Variants in DACH2 observed in about 807,000 individuals in gnomAD.
DACH2 encodes the protein dachshund family transcription factor 2, also known as dachshund homolog 2.
In DACH2, 17 loss-of-function variants were observed where a neutral mutation model predicts 35.8. The ratio of observed to expected loss-of-function variants is 0.48; its 90% confidence interval spans 0.33 to 0.71. The LOEUF is 0.71. Among genes scored for constraint, DACH2 ranks in the 30% least tolerant of loss-of-function variants. The pLI, the probability that DACH2 is intolerant of heterozygous loss-of-function variation, is 0.02. For missense variants in DACH2, 469 were observed against 472.7 expected, an observed-to-expected ratio of 0.99 and a Z score of 0.07; for synonymous variants, 195 against 177.3, an observed-to-expected ratio of 1.10 and a Z score of -0.79.
At chrX:86,511,083 G>A (rs1454430269) in intron 2 of DACH2, among the ~76,000 whole-genome samples, 3 of 111,435 alleles carry the variant, frequency 2.7e-5, no homozygotes, top group Non-Finnish European at 5.7e-5. Flanking sequence ...TATTTGCCTT[G>A]ATTAATATGT....
At chrX:86,708,563 T>G (rs2041244910) in intron 5 of DACH2, among the ~76,000 whole-genome samples, 1 of 96,373 alleles carries the variant, frequency 1.0e-5, no homozygotes, top group East Asian at 3.2e-4. Context: ...CAAAAACTTA[T>G]AAGTGGGAAC....
In DACH2 at chrX:86,296,580, A is replaced by G. The variant is rs181931112; in HGVS notation, c.489-80244A>G. Reference sequence around the variant, plus strand: ...TTTTATAAATTTATATTAGAGGATAATCTTATTTTTTCATTATTAGACCCT... The same window carrying G: ...TTTTATAAATTTATATTAGAGGATAGTCTTATTTTTTCATTATTAGACCCT... On this transcript the variant is annotated intron_variant, in intron 1 of 11. Transcript: ENST00000373125. Among the ~76,000 whole-genome samples the G allele has an allele frequency of 9.3e-4, 103 of 110,698 alleles. 1 individual carries two copies. The East Asian group carries it at 0.025, about 27-fold the overall frequency.
Position 86,401,355 on chromosome X carries a change from G to A in DACH2, c.527+24493G>A, listed in dbSNP as rs192366737. ...GTGAGGTGATGCCTTGCCCTGCTTC[G>A]GCTTATGCACGGTGCACTGCACCCA... On this transcript the variant is annotated intron_variant, in intron 2 of 11. Coordinates refer to ENST00000373125, the MANE Select transcript of DACH2 (RefSeq NM_053281.3). Among the ~76,000 whole-genome samples the A allele has an allele frequency of 4.7e-4, 53 of 111,801 alleles. No individual in the cohort carries two copies. The East Asian group carries it at 7.9e-3, about 17-fold the overall frequency.
chrX:86,332,077 G>C (rs1160909653), intron 1 of DACH2, among the ~76,000 whole-genome samples: 1 of 111,240 alleles, frequency 9.0e-6, no homozygotes, highest in Admixed American at 9.6e-5. Flanking sequence ...TAGTGACTGA[G>C]GTTTCATTAC....
intron 7 of DACH2, among the ~76,000 whole-genome samples, chrX:86,794,158 C>G (rs2042213445): frequency 9.0e-6 from 1 of 110,680 alleles, no homozygotes; most frequent in South Asian, 3.8e-4. Context: ...ATGTTTACCA[C>G]CAGTTTTATG....
intron 3 of DACH2, among the ~76,000 whole-genome samples, chrX:86,546,148 A>T (rs1420986062): frequency 9.0e-6 from 1 of 111,633 alleles, no homozygotes; most frequent in Non-Finnish European, 1.9e-5. Context: ...TGGTCAATTA[A>T]TGTGGGAATA....
At chrX:86,595,663 G>A (rs2039701764) in intron 3 of DACH2, among the ~76,000 whole-genome samples, 4 of 109,383 alleles carry the variant, frequency 3.7e-5, no homozygotes, top group African/African-American at 9.9e-5. Flanking sequence ...TTTATTCATT[G>A]CCCTTTGTCT....
intron 1 of DACH2, among the ~76,000 whole-genome samples, chrX:86,336,045 T>C (rs772314955): frequency 8.9e-5 from 10 of 112,161 alleles, no homozygotes; most frequent in Non-Finnish European, 1.9e-4. Flanking sequence ...ATGTGATAGA[T>C]TACGTTTATT....
intron 5 of DACH2, among the ~76,000 whole-genome samples, chrX:86,702,241 A>G (rs1376960752): frequency 2.7e-5 from 3 of 111,083 alleles, no homozygotes; most frequent in Admixed American, 9.6e-5. Flanking sequence ...ATGGTGACAC[A>G]AGTTATTAAA....
At chrX:86,626,506 G>T (rs1602714498) in intron 3 of DACH2, among the ~76,000 whole-genome samples, 1 of 112,729 alleles carries the variant, frequency 8.9e-6, no homozygotes, top group Non-Finnish European at 1.9e-5. Context: ...TGCACTGGTG[G>T]GGACTCTGTG....
chrX:86,398,145 A>G (rs180794916), intron 2 of DACH2, among the ~76,000 whole-genome samples: 11 of 111,600 alleles, frequency 9.9e-5, no homozygotes, highest in Non-Finnish European at 3.8e-5. Context: ...GAATTTATCC[A>G]TTTCTCCTAG....
chrX:86,400,112 A>G (rs903183642), intron 2 of DACH2, among the ~76,000 whole-genome samples: 1 of 110,697 alleles, frequency 9.0e-6, no homozygotes, highest in Non-Finnish European at 1.9e-5. Context: ...ACTTCCCTTC[A>G]TGCTTCATTT....
At chrX:86,473,424 T>A (rs72633152) in intron 2 of DACH2, among the ~76,000 whole-genome samples, 1 of 110,763 alleles carries the variant, frequency 9.0e-6, no homozygotes, top group African/African-American at 3.3e-5. Flanking sequence ...TTACTGACTA[T>A]AGCCATTCTG....
chrX:86,185,484 G>A (rs1039632653), intron 1 of DACH2, among the ~76,000 whole-genome samples: 1 of 111,392 alleles, frequency 9.0e-6, no homozygotes, highest in East Asian at 2.8e-4. Flanking sequence ...GTTGAGGCAG[G>A]AGAAGAATAT....
intron 7 of DACH2, among the ~76,000 whole-genome samples, chrX:86,761,506 A>G (rs1382190666): frequency 9.0e-6 from 1 of 111,636 alleles, no homozygotes; most frequent in East Asian, 2.8e-4. Context: ...TCAAGGATCT[A>G]GAACCAGAGA....
intron 1 of DACH2, among the ~76,000 whole-genome samples, chrX:86,250,486 A>T (rs1248515580): frequency 9.0e-6 from 1 of 111,434 alleles, no homozygotes; most frequent in African/African-American, 3.2e-5. Flanking sequence ...TGTTATATGG[A>T]TACACAAAAA....
chrX:86,553,701 A>T (rs760572816), intron 3 of DACH2, among the ~76,000 whole-genome samples: 1 of 112,186 alleles, frequency 8.9e-6, no homozygotes, highest in Admixed American at 9.5e-5. Flanking sequence ...AGATATGTTT[A>T]GAAATCAAAT....
At position 86,659,439 on chromosome X, in the gene DACH2, G is replaced by T. The variant is rs147891701; in HGVS notation, c.772+8272G>T. ...TTTGTATGAAGCCACCTCAGAGTTT[G>T]GTCTAATGTTATCTCTTCCTCACAA... On this transcript the variant is annotated intron_variant, in intron 4 of 11. Coordinates refer to ENST00000373125, the MANE Select transcript of DACH2 (RefSeq NM_053281.3). Among the ~76,000 whole-genome samples the T allele has an allele frequency of 4.1e-3, 455 of 110,576 alleles. 2 individuals carry two copies. The highest frequency in any genetic ancestry group is 0.013 in the African/African-American group (400 of 30,519).
chrX:86,584,053 C>T (rs1175153155), intron 3 of DACH2, among the ~76,000 whole-genome samples: 3 of 110,499 alleles, frequency 2.7e-5, no homozygotes, highest in Non-Finnish European at 5.7e-5. Flanking sequence ...ATTAGAATCA[C>T]GTGGGCCCGG....
Sources: allele counts gnomAD v4.1 joint callset (sites outside exome capture counted in the v4.1 genomes callset), GRCh38; gene constraint gnomAD v4.1.1; transcripts MANE v1.5; gene names NCBI Gene and HGNC (gene_info 2026-07-23, HGNC 2026-07-21).